Variants in KIAA0825 observed in about 807,000 individuals in gnomAD.
KIAA0825 encodes uncharacterized protein KIAA0825.
Under a neutral mutation model 147.6 loss-of-function variants are expected in KIAA0825, and 119 were observed. That is an observed-to-expected ratio of 0.81 (90% CI 0.69 to 0.94). The LOEUF (loss-of-function observed/expected upper bound fraction) is 0.94, where lower values mean the gene tolerates loss of function less well. KIAA0825 is among the 40% of genes least tolerant of loss of function. KIAA0825 has a pLI of 0.00. For synonymous variants in KIAA0825, 470 were observed against 518.1 expected (o/e 0.91, Z 1.26); for missense variants, 1,381 against 1,472.7 (o/e 0.94, Z 1.02).
At chr5:94,560,319 C>G (rs1001152167) in intron 2 of KIAA0825, among the ~76,000 whole-genome samples, 1 of 152,130 alleles carries the variant, frequency 6.6e-6, no homozygotes, top group Admixed American at 6.5e-5. Flanking sequence ...TTTCAGCAAA[C>G]CTTCAGAGGG....
At chr5:94,180,682 T>C (rs901857880) in intron 20 of KIAA0825, among the ~76,000 whole-genome samples, 2 of 152,178 alleles carry the variant, frequency 1.3e-5, no homozygotes, top group Admixed American at 1.3e-4. Context: ...AGCCTAATTT[T>C]TGTCCCTTTT....
At chr5:94,263,390 A>T (rs534851174) in intron 20 of KIAA0825, among the ~76,000 whole-genome samples, 1 of 152,010 alleles carries the variant, frequency 6.6e-6, no homozygotes, top group Admixed American at 6.5e-5. Context: ...TTGACCTCTT[A>T]CTTCATTCTT....
At chr5:94,376,526 AC>A (rs1747597372) in intron 20 of KIAA0825, among the ~76,000 whole-genome samples, 1 of 152,236 alleles carries the variant, frequency 6.6e-6, no homozygotes, top group Non-Finnish European at 1.5e-5. Context: ...TGGTTCATGT[AC>A]CAATTCCCTT....
At chr5:94,300,897 C>T (rs1778367164) in intron 20 of KIAA0825, among the ~76,000 whole-genome samples, 1 of 152,114 alleles carries the variant, frequency 6.6e-6, no homozygotes, top group African/African-American at 2.4e-5. Context: ...TCAATGCTGT[C>T]TACTTTGACG....
At chr5:94,395,972 T>C (rs978506338) in intron 17 of KIAA0825, 129 bp downstream of exon 17, 2 of 776,718 alleles carry the variant, frequency 2.6e-6, no homozygotes, top group Non-Finnish European at 3.8e-6. Context: ...TTTTTTATAT[T>C]CATCAAAGCT....
At chr5:94,170,928 A>G (rs1296570496) in intron 20 of KIAA0825, among the ~76,000 whole-genome samples, 1 of 152,158 alleles carries the variant, frequency 6.6e-6, no homozygotes, top group Non-Finnish European at 1.5e-5. Flanking sequence ...TCATCTCACT[A>G]TGTTTTGATG....
chr5:94,598,192 T>C (rs1178414828), intron 1 of KIAA0825, among the ~76,000 whole-genome samples: 1 of 152,170 alleles, frequency 6.6e-6, no homozygotes, highest in Non-Finnish European at 1.5e-5. Context: ...AAACACAATG[T>C]ACAAAATATT....
chr5:94,275,924 A>G (rs180755156), intron 20 of KIAA0825, among the ~76,000 whole-genome samples: 73 of 152,256 alleles, frequency 4.8e-4, no homozygotes, highest in African/African-American at 1.6e-3. Context: ...GCAAATACAC[A>G]TACTAGAGTG....
At chr5:94,313,617 C>T (rs1562370492) in intron 20 of KIAA0825, among the ~76,000 whole-genome samples, 20 of 141,966 alleles carry the variant, frequency 1.4e-4, no homozygotes, top group Non-Finnish European at 4.7e-5. Flanking sequence ...AGGGAGGTTT[C>T]TTTTTTTTTT....
chr5:94,538,609 AT>A (rs756373535), intron 2 of KIAA0825, among the ~76,000 whole-genome samples: 1 of 152,184 alleles, frequency 6.6e-6, no homozygotes, highest in Non-Finnish European at 1.5e-5. Flanking sequence ...GTTAAACTTG[AT>A]TCTCCACTTT....
In KIAA0825 at chr5:94,416,973, T is replaced by C. The variant is rs897208760; in HGVS notation, c.2662+228A>G. The C allele has an allele frequency of 2.7e-5, 10 of 373,404 alleles. No homozygotes were observed. The Admixed American group carries it at 2.8e-4, about 10-fold the overall frequency. The allele number at this position is 373,404 out of a possible 1,614,324, so 23.1% of individuals were successfully genotyped here. A position where few individuals can be genotyped will look rare whatever the true frequency, so the allele number is the denominator to read the frequency against. ...TTCCCTAATTAATAAAAAAAGAAAA[T>C]CTTTTCCCTTCCACCTCCCTTGCAT... is the stretch of plus-strand genomic sequence containing the variant. On this transcript the variant is annotated intron_variant, in intron 15 of 20. Coordinates refer to ENST00000682413, the MANE Select transcript of KIAA0825 (RefSeq NM_001145678.3).
intron 2 of KIAA0825, among the ~76,000 whole-genome samples, chr5:94,580,824 C>T (rs1449363640): frequency 3.0e-5 from 1 of 33,228 alleles, no homozygotes. Context: ...TGCAGTGAGC[C>T]GAGATCCCGC....
intron 2 of KIAA0825, among the ~76,000 whole-genome samples, chr5:94,579,341 T>G (rs549283147): frequency 6.6e-6 from 1 of 152,214 alleles, no homozygotes; most frequent in Non-Finnish European, 1.5e-5. Flanking sequence ...CAAGATTACA[T>G]GGGATAATCC....
chr5:94,418,285 A>G (rs1753726722), intron 14 of KIAA0825, among the ~76,000 whole-genome samples: 1 of 152,078 alleles, frequency 6.6e-6, no homozygotes, highest in South Asian at 2.1e-4. Context: ...TTTGATTTTG[A>G]TGATCTAAAG....
At position 94,440,069 on chromosome 5, in the gene KIAA0825, A is replaced by T; in HGVS notation, c.2410T>A (p.Ser804Thr). 1 of 1,551,596 alleles carries T rather than the reference A, an allele frequency of 6.4e-7. No individual in the cohort carries two copies. Among genetic ancestry groups the T allele is most frequent in the Non-Finnish European group, 8.7e-7 (1 of 1,146,828 alleles). ...KAEGQLKLLL[S>T]QPRCNWNLLL... ...AAGTTCCAGTTACAACGTGGCTGGG[A>T]TAAGAGCAGTTTCAACTGACCCTCG... Residue 804 changes from serine to threonine, a missense_variant, in exon 14 of 21, where the codon TCC becomes ACC. Physicochemically the swap from Ser to Thr is moderately conservative, Grantham distance 58. Transcript: ENST00000682413.
chr5:94,243,715 A>G (rs1342235631), intron 20 of KIAA0825, among the ~76,000 whole-genome samples: 1 of 152,018 alleles, frequency 6.6e-6, no homozygotes, highest in Non-Finnish European at 1.5e-5. Context: ...GTCTTCCCTC[A>G]TACTCATCCC....
intron 20 of KIAA0825, among the ~76,000 whole-genome samples, chr5:94,295,790 C>T (rs13183257): frequency 0.13 from 20,015 of 152,142 alleles, 1,463 homozygotes; most frequent in African/African-American, 0.18. Context: ...GTTCCTTCCT[C>T]TGGAAACTTC....
At chr5:94,494,662 G>A (rs1485764286) in intron 5 of KIAA0825, among the ~76,000 whole-genome samples, 2 of 151,984 alleles carry the variant, frequency 1.3e-5, no homozygotes, top group Admixed American at 6.6e-5. Context: ...TATCTTCCTA[G>A]TATCCCTTTC....
intron 20 of KIAA0825, among the ~76,000 whole-genome samples, chr5:94,332,828 T>A (rs550941278): frequency 4.8e-4 from 73 of 152,334 alleles, no homozygotes; most frequent in Non-Finnish European, 9.4e-4. Context: ...TTGGTTGAAC[T>A]AATTTACACT....
Sources: allele counts gnomAD v4.1 joint callset (sites outside exome capture counted in the v4.1 genomes callset), GRCh38; gene constraint gnomAD v4.1.1; transcripts MANE v1.5; gene names NCBI Gene and HGNC (gene_info 2026-07-23, HGNC 2026-07-21).